Variants in BTBD1 observed in about 807,000 individuals in gnomAD.
BTBD1 encodes the protein BTB/POZ domain-containing protein 1.
A neutral mutation model predicts 48.0 loss-of-function variants in BTBD1; 34 were observed. The observed-to-expected ratio is 0.71, with a 90% CI of 0.54 to 0.94. The LOEUF (loss-of-function observed/expected upper bound fraction) is 0.94. BTBD1 is among the 40% of genes least tolerant of loss of function. BTBD1 has a pLI of 0.00. For synonymous variants in BTBD1, 261 were observed against 242.1 expected (o/e 1.08, Z -0.72); for missense variants, 543 against 625.6 (o/e 0.87, Z 1.41).
intron 2 of BTBD1, among the ~76,000 whole-genome samples, chr15:83,053,698 G>A (rs2033033443): frequency 6.6e-6 from 1 of 152,090 alleles, no homozygotes. Flanking sequence ...ATTCAAAAGA[G>A]GAAAAAATAC....
At chr15:83,035,832 GA>G (rs1261346222) in intron 4 of BTBD1, among the ~76,000 whole-genome samples, 1 of 151,168 alleles carries the variant, frequency 6.6e-6, no homozygotes, top group African/African-American at 2.4e-5. Context: ...AACACTGGGG[GA>G]AAAAAAGGAA....
chr15:83,018,026 T>G lies in BTBD1; in HGVS notation c.*41A>C. 7.2e-7 allele frequency: 1 copy of G among 1,391,174 alleles called. No homozygotes were observed. Among genetic ancestry groups the G allele is most frequent in the South Asian group, 1.5e-5 (1 of 64,662 alleles). The allele number at this position is 1,391,174 out of a possible 1,614,324, so 86.2% of individuals were successfully genotyped here. A position where few individuals can be genotyped will look rare whatever the true frequency, so the allele number is the denominator to read the frequency against. ...GGCCATTTATGTTTTTGACACTAGA[T>G]TGTATGGTATTATTTAGCCAAGATG... On this transcript the variant is annotated 3_prime_UTR_variant, in exon 8 of 8. Transcript: ENST00000261721.
intron 5 of BTBD1, among the ~76,000 whole-genome samples, chr15:83,024,754 G>A (rs1392203750): frequency 6.6e-6 from 1 of 152,014 alleles, no homozygotes; most frequent in Non-Finnish European, 1.5e-5. Context: ...ACAGGTGCAT[G>A]CCACCATGCT....
intron 5 of BTBD1, among the ~76,000 whole-genome samples, chr15:83,025,357 C>CAAAAAAAAAAAAAAAAAAAAAAAAAA (rs767479917): frequency 1.6e-5 from 1 of 64,176 alleles, no homozygotes; most frequent in Non-Finnish European, 2.9e-5. Flanking sequence ...GACTCCATCA[C>CAAAAAAAAAAAAAAAAAAAAAAAAAA]AAAAAAAAAA....
rs35994386 is a variant in BTBD1, at chr15:83,036,160, G to GA, written c.862+5567dup. The stretch of plus-strand genomic sequence containing the variant: ...ATTCCTCTAAAAGAAAGCAAGAAAG[G>GA]AAAAAAAAAAAAAAGATGTGACAAG... On this transcript the variant is annotated intron_variant, in intron 4 of 7. Coordinates refer to ENST00000261721, the MANE Select transcript of BTBD1 (RefSeq NM_025238.4). 1.7e-3 allele frequency among the ~76,000 whole-genome samples: 214 copies of GA among 126,802 alleles called. 2 individuals carry two copies. The highest frequency in any genetic ancestry group is 4.9e-3 in the South Asian group (19 of 3,844). The allele number at this position is 126,802 out of a possible 152,430, so 83.2% of individuals were successfully genotyped here. A position where few individuals can be genotyped will look rare whatever the true frequency, so the allele number is the denominator to read the frequency against.
Position 83,056,463 on chromosome 15 carries a change from C to A in BTBD1, c.484G>T (p.Ala162Ser), listed in dbSNP as rs759774520. ...LYTAKKYAVP[A>S]LEAHCVEFLT... ...AATTCTACACAGTGTGCTTCCAAGG[C>A]TGGGACTGCGTATTTCTTGGCAGTA... The change falls in exon 2 of 8, where the codon GCC becomes TCC. Residue 162 changes from alanine (A) to serine (S), a missense_variant. Ala to Ser is a moderately conservative substitution (Grantham distance 99). Around this residue, in one of 3 missense-constraint regions of BTBD1, gnomAD observed 70 missense variants for 111.7 expected, o/e 0.63. Transcript: ENST00000261721. 1.2e-5 allele frequency: 19 copies of A among 1,612,998 alleles called. No homozygotes were observed. The Admixed American group carries it at 2.0e-4, about 17-fold the overall frequency.
At chr15:83,032,318 C>A in intron 4 of BTBD1, among the ~76,000 whole-genome samples, 1 of 150,554 alleles carries the variant, frequency 6.6e-6, no homozygotes. Context: ...GAGACTCTGT[C>A]TCCAAAAAAA....
Position 83,067,110 on chromosome 15 carries a change from C to T in BTBD1, c.42G>A (p.Ser14=). The change falls in exon 1 of 8, where the codon TCG becomes TCA. Residue 14 remains serine (S), a synonymous_variant. Transcript: ENST00000261721. ...LGPAAAGEQA[S]GAEAEPGPAG... ...CGGGGCCCGGCTCCGCCTCAGCCCCCGACGCCTGCTCCCCAGCTGCGGCAG... is the reference window on the plus strand; with the variant it reads ...CGGGGCCCGGCTCCGCCTCAGCCCCTGACGCCTGCTCCCCAGCTGCGGCAG... The T allele has an allele frequency of 6.8e-6, 10 of 1,470,680 alleles. No homozygotes were observed. The highest frequency in any genetic ancestry group is 8.0e-6 in the Non-Finnish European group (9 of 1,118,672). 91.1% of individuals were successfully genotyped at this position (1,470,680 alleles called of 1,614,324 possible).
rs2032278775 is a variant in BTBD1, at chr15:83,020,759, G to A, written c.1059C>T (p.Phe353=). The change falls in exon 6 of 8, where the codon TTC becomes TTT. Residue 353 remains phenylalanine (F), a synonymous_variant. Coordinates refer to ENST00000261721, the MANE Select transcript of BTBD1 (RefSeq NM_025238.4). The stretch of plus-strand genomic sequence containing the variant: ...CTATAGAGATCCTTCTATTAACTGT[G>A]AATCTGAGAGAAAGAAGCCAAAAAT... ...GYSGTSDRIR[F]TVNRRISIVG... 6.3e-7 allele frequency: 1 copy of A among 1,584,056 alleles called. No homozygotes were observed. The highest frequency in any genetic ancestry group is 8.7e-7 in the Non-Finnish European group (1 of 1,155,264).
chr15:83,038,071 AG>A (rs2032665763), intron 4 of BTBD1, among the ~76,000 whole-genome samples: 1 of 152,136 alleles, frequency 6.6e-6, no homozygotes, highest in Non-Finnish European at 1.5e-5. Flanking sequence ...GCAACAAACA[AG>A]AAAACTCCAT....
At chr15:83,024,285 G>GTGTTT (rs1241108619) in intron 5 of BTBD1, 3 of 152,098 alleles carry the variant, frequency 2.0e-5, no homozygotes, top group African/African-American at 4.8e-5. Flanking sequence ...CTCTACAGAT[G>GTGTTT]TGTTTGTCTT....
intron 3 of BTBD1, chr15:83,044,278 C>A: frequency 1.5e-6 from 1 of 683,772 alleles, no homozygotes; most frequent in Non-Finnish European, 2.5e-6. Flanking sequence ...TTAGATTTCT[C>A]AAAGGGTCAA....
chr15:83,034,012 C>G (rs369904686), intron 4 of BTBD1, among the ~76,000 whole-genome samples: 3 of 147,266 alleles, frequency 2.0e-5, no homozygotes, highest in South Asian at 4.2e-4. Flanking sequence ...AACCTGAGCC[C>G]AGGAGGTTGA....
At position 83,020,553 on chromosome 15, in the gene BTBD1, A is replaced by G. The variant is rs1009714747; in HGVS notation, c.1143+122T>C. On this transcript the variant is annotated intron_variant, in intron 6 of 7. Transcript: ENST00000261721. ...CAGAACTCTTTATGCTTACAATGCTACTAAGGGGCCTTCTGATTGCTTTGA... is the reference window on the plus strand; with the variant it reads ...CAGAACTCTTTATGCTTACAATGCTGCTAAGGGGCCTTCTGATTGCTTTGA... 25 of 682,796 alleles carry G rather than the reference A, an allele frequency of 3.7e-5. No individual in the cohort carries two copies. In the African/African-American group the frequency reaches 4.2e-4, roughly 11 times the overall value. The allele number at this position is 682,796 out of a possible 1,614,324, so 42.3% of individuals were successfully genotyped here.
In BTBD1 at chr15:83,065,473, T is replaced by C. The variant is rs550981511; in HGVS notation, c.401+1278A>G. 1.2e-3 allele frequency among the ~76,000 whole-genome samples: 176 copies of C among 152,372 alleles called. 1 individual carries two copies. The highest frequency in any genetic ancestry group is 4.1e-3 in the African/African-American group (170 of 41,594). ...GAATCTTATTATTTGTTTCTAGTTGTGTGAACTTTACATTCATTTTCTTGT... is the reference window on the plus strand; with the variant it reads ...GAATCTTATTATTTGTTTCTAGTTGCGTGAACTTTACATTCATTTTCTTGT... On this transcript the variant is annotated intron_variant, in intron 1 of 7. Transcript: ENST00000261721.
chr15:83,054,669 C>A (rs1278497833), intron 2 of BTBD1, among the ~76,000 whole-genome samples: 1 of 149,744 alleles, frequency 6.7e-6, no homozygotes, highest in Admixed American at 6.7e-5. Context: ...TCAAGCGATT[C>A]TCCTGCCTCA....
intron 3 of BTBD1, among the ~76,000 whole-genome samples, chr15:83,048,030 G>A (rs2032911044): frequency 6.6e-6 from 1 of 152,200 alleles, no homozygotes; most frequent in African/African-American, 2.4e-5. Context: ...AGAGACCACT[G>A]CAATTATCCA....
intron 1 of BTBD1, among the ~76,000 whole-genome samples, chr15:83,057,043 C>T (rs2033099345): frequency 6.6e-6 from 1 of 152,028 alleles, no homozygotes; most frequent in South Asian, 2.1e-4. Context: ...AGGCACAGTC[C>T]CTCATGGCCA....
chr15:83,053,882 T>C (rs1443521210), intron 2 of BTBD1, among the ~76,000 whole-genome samples: 1 of 152,222 alleles, frequency 6.6e-6, no homozygotes, highest in Non-Finnish European at 1.5e-5. Context: ...CTGAGAAAGG[T>C]GCCTGGCATA....
Sources: allele counts gnomAD v4.1 joint callset (sites outside exome capture counted in the v4.1 genomes callset), GRCh38; gene constraint gnomAD v4.1.1; regional missense constraint gnomAD v4.1.1; transcripts MANE v1.5; gene names NCBI Gene and HGNC (gene_info 2026-07-23, HGNC 2026-07-21).